The following NRXN3 variants were observed in gnomAD, a reference collection of about 807,000 sequenced individuals.
NRXN3 encodes the protein neurexin 3, also known as neurexin III.
In NRXN3, 32 loss-of-function variants were observed where a neutral mutation model predicts 137.6. That is an observed-to-expected ratio of 0.23 (90% confidence interval 0.18 to 0.31). NRXN3 has a LOEUF of 0.31. Among genes scored for constraint, NRXN3 ranks in the 10% least tolerant of loss-of-function variants. NRXN3 has a pLI of 1.00. For synonymous variants in NRXN3, 798 were observed against 784.5 expected, an observed-to-expected ratio of 1.02 and a Z score of -0.29; for missense variants, 1,574 against 2,062.5, an observed-to-expected ratio of 0.76 and a Z score of 4.59.
chr14:78,961,302 T>A (rs1450503765), intron 11 of NRXN3, among the ~76,000 whole-genome samples: 1 of 152,084 alleles, frequency 6.6e-6, no homozygotes, highest in African/African-American at 2.4e-5. Context: ...AGGAACCTCA[T>A]GTGTGGAAAT....
intron 19 of NRXN3, among the ~76,000 whole-genome samples, chr14:79,783,864 T>C (rs1467689770): frequency 6.6e-6 from 1 of 152,170 alleles, no homozygotes; most frequent in East Asian, 1.9e-4. Flanking sequence ...TTTTGCCTCT[T>C]TAGTAATCTC....
chr14:79,445,006 G>A (rs558028766), intron 15 of NRXN3, among the ~76,000 whole-genome samples: 16 of 152,208 alleles, frequency 1.1e-4, no homozygotes, highest in African/African-American at 3.1e-4. Context: ...AGGACTTTGA[G>A]AAATCAACAG....
Position 79,390,316 on chromosome 14 carries a change from C to CAAA in NRXN3, c.3263-76890_3263-76888dup, listed in dbSNP as rs34101631. 1.2e-3 allele frequency among the ~76,000 whole-genome samples: 133 copies of CAAA among 109,598 alleles called. 1 individual carries two copies. Among genetic ancestry groups the CAAA allele is most frequent in the African/African-American group, 4.4e-3 (127 of 28,976 alleles). 71.9% of individuals were successfully genotyped at this position (109,598 alleles called of 152,430 possible). A position where few individuals can be genotyped will look rare whatever the true frequency, so the allele number is the denominator to read the frequency against. ...TGGGCAGCAGAGCGAGACTCTGTCT[C>CAAA]AAAAAAAAAAAAAAAAACCTACATG... On this transcript the variant is annotated intron_variant, in intron 15 of 20. Transcript: ENST00000335750.
intron 4 of NRXN3, among the ~76,000 whole-genome samples, chr14:78,633,275 G>A (rs35310456): frequency 0.022 from 2,465 of 111,338 alleles, 54 homozygotes; most frequent in Non-Finnish European, 0.03. Flanking sequence ...AAAAGAGACT[G>A]GTAATAGCCT....
intron 20 of NRXN3, among the ~76,000 whole-genome samples, chr14:79,849,079 A>T (rs2099386466): frequency 6.6e-6 from 1 of 151,986 alleles, no homozygotes; most frequent in Non-Finnish European, 1.5e-5. Flanking sequence ...AGTCCTGTTG[A>T]CTCTGCCTCG....
chr14:79,309,884 C>T (rs1185669507), intron 15 of NRXN3, among the ~76,000 whole-genome samples: 2 of 113,302 alleles, frequency 1.8e-5, no homozygotes, highest in Admixed American at 8.8e-5. Context: ...TTGTAGGTTG[C>T]CTGTTCACTC....
At chr14:78,443,632 A>G (rs532794093) in intron 4 of NRXN3, among the ~76,000 whole-genome samples, 1 of 152,342 alleles carries the variant, frequency 6.6e-6, no homozygotes, top group Admixed American at 6.5e-5. Flanking sequence ...TCTAACAGAC[A>G]TAGGTTCATA....
intron 19 of NRXN3, among the ~76,000 whole-genome samples, chr14:79,767,957 C>T (rs930999975): frequency 1.3e-5 from 2 of 152,152 alleles, no homozygotes; most frequent in Admixed American, 6.5e-5. Context: ...TTGCCTCACT[C>T]GGGAAGCGCA....
At chr14:79,073,276 C>T (rs1272389170) in intron 15 of NRXN3, among the ~76,000 whole-genome samples, 3 of 152,074 alleles carry the variant, frequency 2.0e-5, no homozygotes, top group Non-Finnish European at 4.4e-5. Context: ...AATGTAGAAA[C>T]TATTTCAGAG....
At chr14:79,290,975 T>A (rs964128298) in intron 15 of NRXN3, among the ~76,000 whole-genome samples, 2 of 152,188 alleles carry the variant, frequency 1.3e-5, no homozygotes, top group African/African-American at 4.8e-5. Flanking sequence ...GAAAAGATGA[T>A]TAAAGGGTTA....
intron 15 of NRXN3, among the ~76,000 whole-genome samples, chr14:79,318,256 T>G (rs2089291296): frequency 6.6e-6 from 1 of 152,202 alleles, no homozygotes; most frequent in Non-Finnish European, 1.5e-5. Flanking sequence ...AAGGAAAGTA[T>G]CTTCTTTCAT....
chr14:79,239,021 C>T (rs1426509057), intron 15 of NRXN3, among the ~76,000 whole-genome samples: 1 of 152,062 alleles, frequency 6.6e-6, no homozygotes, highest in Non-Finnish European at 1.5e-5. Flanking sequence ...TGATCTAAGA[C>T]CCCCAGTAGT....
At chr14:79,029,113 T>G (rs2099603241) in intron 15 of NRXN3, among the ~76,000 whole-genome samples, 2 of 146,262 alleles carry the variant, frequency 1.4e-5, no homozygotes, top group Non-Finnish European at 1.5e-5. Flanking sequence ...AAGAAGGGGG[T>G]TGGGAGGGAG....
intron 8 of NRXN3, among the ~76,000 whole-genome samples, chr14:78,774,232 A>C (rs1198154950): frequency 6.6e-6 from 1 of 152,222 alleles, no homozygotes; most frequent in Non-Finnish European, 1.5e-5. Context: ...ATGATGGTTA[A>C]ATGCTAGGAT....
intron 4 of NRXN3, among the ~76,000 whole-genome samples, chr14:78,393,412 C>G (rs1030481315): frequency 2.6e-5 from 4 of 151,994 alleles, no homozygotes; most frequent in African/African-American, 9.7e-5. Flanking sequence ...CTGTTACCCT[C>G]TTATAGCCAT....
chr14:79,000,309 ATTC>A (rs1336964889), intron 15 of NRXN3, among the ~76,000 whole-genome samples: 4 of 151,968 alleles, frequency 2.6e-5, no homozygotes, highest in Non-Finnish European at 5.9e-5. Context: ...AGTTTTCCCA[ATTC>A]TTCTGAGATG....
At chr14:79,047,403 AGC>A (rs977028687) in intron 15 of NRXN3, among the ~76,000 whole-genome samples, 7 of 152,200 alleles carry the variant, frequency 4.6e-5, no homozygotes, top group African/African-American at 1.7e-4. Context: ...AGAATACAAA[AGC>A]ACTAAGTATA....
At chr14:78,816,376 C>A (rs991500494) in intron 10 of NRXN3, among the ~76,000 whole-genome samples, 2 of 152,050 alleles carry the variant, frequency 1.3e-5, no homozygotes, top group Non-Finnish European at 2.9e-5. Flanking sequence ...ACGTTCTTCT[C>A]CTTTTCTTCT....
intron 10 of NRXN3, among the ~76,000 whole-genome samples, chr14:78,889,670 C>A (rs1033249836): frequency 2.0e-5 from 3 of 151,984 alleles, no homozygotes; most frequent in Non-Finnish European, 2.9e-5. Context: ...CTGGTAGAAT[C>A]ATTAATACAG....
Sources: allele counts gnomAD v4.1 joint callset (sites outside exome capture counted in the v4.1 genomes callset), GRCh38; gene constraint gnomAD v4.1.1; transcripts MANE v1.5; gene names NCBI Gene and HGNC (gene_info 2026-07-23, HGNC 2026-07-21).